The following NTM variants were observed in gnomAD, a reference collection of about 807,000 sequenced individuals.
The protein encoded by NTM is IgLON family member 2.
A neutral mutation model predicts 42.1 loss-of-function variants in NTM; 13 were observed. The ratio of observed to expected loss-of-function variants is 0.31; its 90% CI spans 0.20 to 0.49. The LOEUF (loss-of-function observed/expected upper bound fraction) is 0.49. Ranked by LOEUF, NTM falls within the 20% of genes least tolerant of loss-of-function variation. The pLI is 0.99. For synonymous variants in NTM, 187 were observed against 179.2 expected (o/e 1.04, Z -0.35); for missense variants, 373 against 452.8 (o/e 0.82, Z 1.60).
intron 1 of NTM, among the ~76,000 whole-genome samples, chr11:131,691,145 C>CGGA (rs2074630930): frequency 6.6e-6 from 1 of 152,156 alleles, no homozygotes; most frequent in Admixed American, 6.5e-5. Flanking sequence ...CTGCAGCCCC[C>CGGA]GGAGGGCGCA....
At chr11:131,477,551 C>T (rs1419626267) in intron 1 of NTM, among the ~76,000 whole-genome samples, 1 of 151,876 alleles carries the variant, frequency 6.6e-6, no homozygotes, top group Non-Finnish European at 1.5e-5. Flanking sequence ...AGGATGCGCC[C>T]TCTGCTTCCT....
intron 4 of NTM, among the ~76,000 whole-genome samples, chr11:132,273,970 A>G (rs2093611505): frequency 1.3e-5 from 2 of 152,202 alleles, no homozygotes; most frequent in South Asian, 2.1e-4. Flanking sequence ...AGTAGTTTGT[A>G]TCTATATGAA....
chr11:132,073,726 G>T (rs1286822226), intron 2 of NTM, among the ~76,000 whole-genome samples: 1 of 152,164 alleles, frequency 6.6e-6, no homozygotes, highest in Non-Finnish European at 1.5e-5. Context: ...GCCCAAGGTT[G>T]CATTCGGAGG....
rs537675942 is a variant in NTM at position 131,490,877 on chromosome 11, A to C, written c.82+119989A>C. ...CTTGAGTTTGCATTTAATCAAATGT[A>C]CTTTATGTACCACACATCCTGTCTA... On this transcript the variant is annotated intron_variant, in intron 1 of 8. Transcript: ENST00000683400. Among the ~76,000 whole-genome samples, 33 of 152,340 alleles carry C rather than the reference A, an allele frequency of 2.2e-4. 1 individual carries two copies. In the South Asian group the frequency reaches 6.4e-3, roughly 30 times the overall value.
At chr11:132,305,954 T>C (rs957922083) in intron 4 of NTM, among the ~76,000 whole-genome samples, 2 of 152,228 alleles carry the variant, frequency 1.3e-5, no homozygotes, top group Admixed American at 1.3e-4. Context: ...TTTGTTGTAA[T>C]GGACATAGGC....
At chr11:132,207,218 T>A (rs1384033040) in intron 3 of NTM, among the ~76,000 whole-genome samples, 1 of 152,154 alleles carries the variant, frequency 6.6e-6, no homozygotes, top group Non-Finnish European at 1.5e-5. Context: ...GCTTCTTTTG[T>A]ATTTACAGCC....
chr11:131,578,937 C>T (rs1304876409), intron 1 of NTM, among the ~76,000 whole-genome samples: 4 of 152,128 alleles, frequency 2.6e-5, no homozygotes, highest in Admixed American at 6.6e-5. Flanking sequence ...GCAAGATAGT[C>T]ACAGGAAAAA....
chr11:131,930,972 C>T (rs2058531503), intron 2 of NTM, among the ~76,000 whole-genome samples: 1 of 151,988 alleles, frequency 6.6e-6, no homozygotes, highest in Non-Finnish European at 1.5e-5. Flanking sequence ...TGTGTGAGTA[C>T]ACAAAACACC....
At chr11:132,288,086 A>G (rs2094317975) in intron 4 of NTM, among the ~76,000 whole-genome samples, 1 of 152,256 alleles carries the variant, frequency 6.6e-6, no homozygotes, top group Non-Finnish European at 1.5e-5. Context: ...TGCAGCGCAC[A>G]GAGCCTAGTG....
chr11:132,059,832 A>C (rs1594216370), intron 2 of NTM, among the ~76,000 whole-genome samples: 1 of 150,586 alleles, frequency 6.6e-6, no homozygotes, highest in African/African-American at 2.5e-5. Flanking sequence ...TTTGTTATTC[A>C]GTTCTTTCCC....
chr11:131,617,908 G>T (rs1264661459), intron 1 of NTM, among the ~76,000 whole-genome samples: 1 of 152,164 alleles, frequency 6.6e-6, no homozygotes, highest in Non-Finnish European at 1.5e-5. Flanking sequence ...GCCACCCAGT[G>T]TGCCGTCTGA....
intron 1 of NTM, among the ~76,000 whole-genome samples, chr11:131,658,561 C>T (rs2067514944): frequency 6.6e-6 from 1 of 152,210 alleles, no homozygotes; most frequent in South Asian, 2.1e-4. Flanking sequence ...GACGGCATGC[C>T]TTGCTCTGAT....
At chr11:132,100,127 A>C (rs923198265) in intron 2 of NTM, among the ~76,000 whole-genome samples, 34 of 152,234 alleles carry the variant, frequency 2.2e-4, no homozygotes, top group African/African-American at 8.2e-4. Context: ...ACCTTTTTAC[A>C]TTTCTCTGCC....
chr11:131,374,706 T>C (rs1326173518), intron 1 of NTM, among the ~76,000 whole-genome samples: 2 of 152,188 alleles, frequency 1.3e-5, no homozygotes, highest in Non-Finnish European at 2.9e-5. Context: ...CTTTTCTTGA[T>C]GGGCCAAACA....
intron 4 of NTM, among the ~76,000 whole-genome samples, chr11:132,296,215 C>G (rs2094603406): frequency 6.6e-6 from 1 of 152,106 alleles, no homozygotes. Flanking sequence ...GGGCCTGGAG[C>G]TCAGCAGGTC....
chr11:132,221,428 A>G (rs1223940687), intron 4 of NTM, among the ~76,000 whole-genome samples: 1 of 152,166 alleles, frequency 6.6e-6, no homozygotes, highest in Non-Finnish European at 1.5e-5. Context: ...GGCCCAGGCT[A>G]ATGGGCTAAT....
chr11:131,770,242 G>A lies in NTM; in HGVS notation c.83-141322G>A, dbSNP rs143245714. On this transcript the variant is annotated intron_variant, in intron 1 of 8. Coordinates refer to ENST00000683400, the MANE Select transcript of NTM (RefSeq NM_001352005.2). ...CTGACAGAGGAGACCAGAAGTCCCC[G>A]CTGAGCAGCCCAGACCTTTGCTTTC... 1.5e-4 allele frequency among the ~76,000 whole-genome samples: 23 copies of A among 152,304 alleles called. No individual in the cohort carries two copies. The East Asian group carries it at 3.7e-3, about 24-fold the overall frequency.
chr11:131,496,333 C>T (rs562833873), intron 1 of NTM, among the ~76,000 whole-genome samples: 3 of 152,330 alleles, frequency 2.0e-5, no homozygotes, highest in South Asian at 4.1e-4. Flanking sequence ...TCTGGTGATG[C>T]TGCATCTGTG....
At position 131,467,838 on chromosome 11, in the gene NTM, G is replaced by A. The variant is rs78128648; in HGVS notation, c.82+96950G>A. On this transcript the variant is annotated intron_variant, in intron 1 of 8. Transcript: ENST00000683400. Reference sequence around the variant, plus strand: ...TTGAATGACCTGGGAAGTTTCCAGAGAGTCTGTGACCTCTGAGTGAGCTGT... The same window carrying A: ...TTGAATGACCTGGGAAGTTTCCAGAAAGTCTGTGACCTCTGAGTGAGCTGT... Among the ~76,000 whole-genome samples, 34 of 152,320 alleles carry A rather than the reference G, an allele frequency of 2.2e-4. 2 individuals are homozygous for A. The East Asian group carries it at 5.8e-3, about 26-fold the overall frequency.
Sources: gnomAD v4.1 joint callset for allele counts (sites outside exome capture counted in the v4.1 genomes callset) on GRCh38, gnomAD v4.1.1 for gene constraint, MANE v1.5 for transcripts, NCBI Gene and HGNC (gene_info 2026-07-23, HGNC 2026-07-21) for gene names.